EED: variants seen among roughly 807,000 people sequenced by gnomAD.
EED encodes the protein embryonic ectoderm development, also known as polycomb protein EED.
In EED, 9 loss-of-function variants were observed where a neutral mutation model predicts 61.0. That is an observed-to-expected ratio of 0.15 (90% CI 0.09 to 0.26). The LOEUF is 0.26. EED is among the 10% of genes least tolerant of loss of function. The pLI, the probability that EED is intolerant of heterozygous loss-of-function variation, is 1.00. For missense variants in EED, 315 were observed against 542.3 expected (o/e 0.58, Z 4.16); for synonymous variants, 187 against 174.4 (o/e 1.07, Z -0.57).
chr11:86,256,974 C>T (rs549678912), intron 5 of EED, among the ~76,000 whole-genome samples: 3 of 152,130 alleles, frequency 2.0e-5, no homozygotes, highest in Non-Finnish European at 4.4e-5. Flanking sequence ...ATGCTTAAAA[C>T]CCTACGCATA....
intron 3 of EED, among the ~76,000 whole-genome samples, chr11:86,254,515 T>G: frequency 6.6e-6 from 1 of 152,000 alleles, no homozygotes; most frequent in East Asian, 1.9e-4. Context: ...GAGACGGGGT[T>G]CCACCGTGTT....
At chr11:86,246,556 G>C (rs1304220874) in intron 1 of EED, among the ~76,000 whole-genome samples, 3 of 152,190 alleles carry the variant, frequency 2.0e-5, no homozygotes, top group Non-Finnish European at 4.4e-5. Context: ...ATATTCTTGG[G>C]ATTGTCAGTT....
Position 86,245,301 on chromosome 11 carries a change from C to T in EED, c.72C>T (p.Ser24=). ...CTGCGGCCAAGAAGCAGAAGCTGAGCAGTGACGAGAACAGCAATCCAGACC... is the reference window on the plus strand; with the variant it reads ...CTGCGGCCAAGAAGCAGAAGCTGAGTAGTGACGAGAACAGCAATCCAGACC... The part of the protein sequence containing the change: ...DMPAAKKQKL[S]SDENSNPDLS... The change falls in exon 1 of 12, where the codon AGC becomes AGT. Residue 24 remains serine (S), a synonymous_variant. Transcript: ENST00000263360. 2 of 1,613,494 alleles carry T rather than the reference C, an allele frequency of 1.2e-6. No homozygotes were observed. Among genetic ancestry groups the T allele is most frequent in the Non-Finnish European group, 1.7e-6 (2 of 1,179,946 alleles).
intron 4 of EED, 80 bp downstream of exon 4, chr11:86,255,367 TC>T: frequency 8.9e-7 from 1 of 1,123,890 alleles, no homozygotes; most frequent in East Asian, 2.5e-5. Context: ...TATAAATTAA[TC>T]ATTTCCCTAA....
rs772015033 is a variant in EED at position 86,277,050 on chromosome 11, G to A, written c.1037G>A (p.Ser346Asn). Residue 346 changes from serine to asparagine, a missense_variant, in exon 10 of 12, where the codon AGT (serine) becomes AAT (asparagine). Physicochemically the swap from Ser to Asn is conservative, Grantham distance 46. Transcript: ENST00000263360. ...MEDDIDKIKP[S>N]ESNVTILGRF... is the part of the protein sequence containing the mutation. ...GATGATATAGATAAAATTAAACCCA[G>A]TGAATCTAATGTGACTATTCTTGGG... The A allele has an allele frequency of 1.3e-6, 2 of 1,582,010 alleles. No individual in the cohort carries two copies. Among genetic ancestry groups the A allele is most frequent in the Non-Finnish European group, 1.7e-6 (2 of 1,158,392 alleles).
chr11:86,256,316 A>G lies in EED; in HGVS notation c.427-71A>G, dbSNP rs776135997. On this transcript the variant is annotated intron_variant, in intron 4 of 11. Transcript: ENST00000263360. ...TCAAAAACTTTAGCAGTTCTTTATA[A>G]GTTTCTATTATAATTATTGACATGT... 3 of 1,381,174 alleles carry G rather than the reference A, an allele frequency of 2.2e-6. No individual in the cohort carries two copies. In the African/African-American group the frequency reaches 4.3e-5, roughly 20 times the overall value. 85.6% of individuals were successfully genotyped at this position (1,381,174 alleles called of 1,614,324 possible).
intron 9 of EED, among the ~76,000 whole-genome samples, chr11:86,269,590 C>G (rs957375706): frequency 2.0e-5 from 3 of 151,902 alleles, no homozygotes; most frequent in Non-Finnish European, 4.4e-5. Context: ...TAGGATGTTT[C>G]AAAGATTGTG....
chr11:86,245,755 C>T (rs1360559054), intron 1 of EED, among the ~76,000 whole-genome samples: 1 of 152,128 alleles, frequency 6.6e-6, no homozygotes, highest in African/African-American at 2.4e-5. Context: ...AGGGTTGTCA[C>T]TCTAAGACCC....
chr11:86,257,246 C>T (rs890183757), intron 5 of EED, among the ~76,000 whole-genome samples: 8 of 150,586 alleles, frequency 5.3e-5, no homozygotes, highest in Non-Finnish European at 1.0e-4. Flanking sequence ...CTGCATTGCT[C>T]TGACTGGTCT....
chr11:86,259,430 A>G lies in EED; in HGVS notation c.634+1834A>G, dbSNP rs542705288. ...GTGATCATGGCTCACTGTAGCCTCA[A>G]CCTACCAAGTAGTTAGGACTACAGG... is the stretch of plus-strand genomic sequence containing the variant. On this transcript the variant is annotated intron_variant, in intron 6 of 11. Transcript: ENST00000263360. Among the ~76,000 whole-genome samples, 355 of 152,062 alleles carry G rather than the reference A, an allele frequency of 2.3e-3. 2 individuals are homozygous for G. The highest frequency in any genetic ancestry group is 8.0e-3 in the African/African-American group (330 of 41,492).
At chr11:86,285,294 C>T in the EED span, among the ~76,000 whole-genome samples, 1 of 152,136 alleles carries the variant, frequency 6.6e-6, no homozygotes, top group South Asian at 2.1e-4. Flanking sequence ...GTAGTGTGCA[C>T]CTGTAGTCCC....
intron 9 of EED, chr11:86,270,199 G>T (rs1359301223): frequency 1.5e-6 from 1 of 676,546 alleles, no homozygotes; most frequent in Non-Finnish European, 2.7e-6. Context: ...TGATAGGTGT[G>T]TAGTGATATC....
the EED span, among the ~76,000 whole-genome samples, chr11:86,285,471 T>C: frequency 2.0e-5 from 3 of 152,154 alleles, no homozygotes; most frequent in Non-Finnish European, 2.9e-5. Context: ...GTACTAACTA[T>C]AAAGCTTTTT....
chr11:86,278,857 T>C (rs980747872), downstream of EED: 5 of 211,440 alleles, frequency 2.4e-5, no homozygotes, highest in African/African-American at 1.1e-4. Flanking sequence ...AGTTTTGTAA[T>C]ACAGAGATTA....
downstream of EED, among the ~76,000 whole-genome samples, chr11:86,282,593 T>C (rs1429971389): frequency 6.6e-6 from 1 of 152,218 alleles, no homozygotes; most frequent in East Asian, 1.9e-4. Flanking sequence ...TTCTTTCTTA[T>C]TAAGTTTGTA....
Position 86,245,177 on chromosome 11 carries a change from T to C in EED, c.-53T>C, listed in dbSNP as rs1945356194. 5.4e-6 allele frequency: 8 copies of C among 1,470,074 alleles called. No homozygotes were observed. 91.1% of individuals were successfully genotyped at this position (1,470,074 alleles called of 1,614,324 possible). ...TCGGGCCGGGCTTGCTTGACGGCGG[T>C]GTGGCGGAGGCCCCGCCCCAGGCGG... On this transcript the variant is annotated 5_prime_UTR_variant, in exon 1 of 12. Coordinates refer to ENST00000263360, the MANE Select transcript of EED (RefSeq NM_003797.5).
chr11:86,255,370 T>C, intron 4 of EED, 83 bp downstream of exon 4: 2 of 1,116,142 alleles, frequency 1.8e-6, no homozygotes, highest in Non-Finnish European at 2.6e-6. Context: ...AAATTAATCA[T>C]TTCCCTAAAG....
intron 10 of EED, 107 bp from the exon 11 acceptor site, chr11:86,277,811 T>A: frequency 9.1e-7 from 1 of 1,095,396 alleles, no homozygotes; most frequent in East Asian, 3.1e-5. Flanking sequence ...GCACAGAGGC[T>A]GGAACTGAGC....
rs1408450238 is a variant in EED at position 86,268,544 on chromosome 11, G to A, written c.949G>A (p.Asp317Asn). 2 of 1,609,958 alleles carry A rather than the reference G, an allele frequency of 1.2e-6. No homozygotes were observed. Among genetic ancestry groups the A allele is most frequent in the Non-Finnish European group, 1.7e-6 (2 of 1,178,490 alleles). Reference protein sequence around the residue: ...NYVDCVRWLGDLILSKSCENA... With the variant: ...NYVDCVRWLGNLILSKSCENA... ...TGTTGATTGTGTGCGATGGTTAGGC[G>A]ATTTGATACTTTCTAAGGTATGGTA... is the stretch of plus-strand genomic sequence containing the variant. The change falls in exon 9 of 12, where the codon GAT (aspartate) becomes AAT (asparagine). Residue 317 changes from aspartate to asparagine, a missense_variant. Asp to Asn is a conservative substitution (Grantham distance 23). This residue lies in a region of EED where 205 missense variants were observed against 455.4 expected (regional missense o/e 0.45). Coordinates refer to ENST00000263360, the MANE Select transcript of EED (RefSeq NM_003797.5).
Sources: allele counts gnomAD v4.1 joint callset (sites outside exome capture counted in the v4.1 genomes callset), GRCh38; gene constraint gnomAD v4.1.1; regional missense constraint gnomAD v4.1.1; transcripts MANE v1.5; gene names NCBI Gene and HGNC (gene_info 2026-07-23, HGNC 2026-07-21).